POU2F1: variants seen among roughly 807,000 people sequenced by gnomAD.
POU2F1 encodes the protein POU domain, class 2, transcription factor 1.
Under a neutral mutation model 84.9 loss-of-function variants are expected in POU2F1, and 16 were observed. That is an observed-to-expected ratio of 0.19 (90% CI 0.13 to 0.29). The LOEUF (loss-of-function observed/expected upper bound fraction) is 0.29, where lower values mean the gene tolerates loss of function less well. Among genes scored for constraint, POU2F1 ranks in the 10% least tolerant of loss-of-function variants. POU2F1 has a pLI of 1.00. For synonymous variants in POU2F1, 368 were observed against 368.3 expected (o/e 1.00, Z 0.01); for missense variants, 738 against 942.6 (o/e 0.78, Z 2.84).
intron 2 of POU2F1, among the ~76,000 whole-genome samples, chr1:167,337,744 A>G (rs1657568860): frequency 6.6e-6 from 1 of 152,028 alleles, no homozygotes; most frequent in Admixed American, 6.6e-5. Context: ...AAGAGAAAGG[A>G]TATCTGCCTG....
intron 1 of POU2F1, among the ~76,000 whole-genome samples, chr1:167,242,501 G>A (rs1435000869): frequency 5.3e-5 from 8 of 152,162 alleles, no homozygotes; most frequent in Non-Finnish European, 4.4e-5. Context: ...CCATGGTGAC[G>A]CATTGAAGCA....
At chr1:167,259,439 T>C (rs997105767) in intron 1 of POU2F1, among the ~76,000 whole-genome samples, 1 of 152,220 alleles carries the variant, frequency 6.6e-6, no homozygotes, top group Non-Finnish European at 1.5e-5. Context: ...GTTGAATAAA[T>C]ATGCCACAGT....
Position 167,415,716 on chromosome 1 carries a change from C to G in POU2F1, c.2207C>G (p.Ser736Cys), listed in dbSNP as rs760546683. ...CCTGTAGCCAGCCTTCACGCCACCT[C>G]CACCTCTGCTGAGTCCATCCAGAAC... ...SAPVASLHAT[S>C]TSAESIQNSL... The change falls in exon 16 of 16, where the codon TCC (serine) becomes TGC (cysteine). Residue 736 changes from serine (S) to cysteine (C), a missense_variant. Around this residue, in one of 4 missense-constraint regions of POU2F1, gnomAD observed 319 missense variants for 386.0 expected, o/e 0.83. Transcript: ENST00000367866. 1.2e-6 allele frequency: 2 copies of G among 1,614,032 alleles called. No homozygotes were observed. The highest frequency in any genetic ancestry group is 1.3e-5 in the African/African-American group (1 of 74,918).
intron 8 of POU2F1, among the ~76,000 whole-genome samples, chr1:167,384,233 G>A (rs993618837): frequency 2.0e-5 from 3 of 151,950 alleles, no homozygotes; most frequent in African/African-American, 7.3e-5. Context: ...CATACTTGGC[G>A]GTAGATATTA....
At position 167,376,258 on chromosome 1, in the gene POU2F1, A is replaced by G. The variant is rs1231383367; in HGVS notation, c.718+103A>G. On this transcript the variant is annotated intron_variant, in intron 7 of 15. Transcript: ENST00000367866. The stretch of plus-strand genomic sequence containing the variant: ...TTTTGGCCCTGAAACTATTAGACCA[A>G]TGTTTTTATTAAATTTTATTTGATT... 21 of 1,239,820 alleles carry G rather than the reference A, an allele frequency of 1.7e-5. No homozygotes were observed. In the South Asian group the frequency reaches 3.7e-4, roughly 22 times the overall value. 76.8% of individuals were successfully genotyped at this position (1,239,820 alleles called of 1,614,324 possible). A position where few individuals can be genotyped will look rare whatever the true frequency, so the allele number is the denominator to read the frequency against.
chr1:167,424,317 G>A lies in POU2F1; in HGVS notation c.*8507G>A, dbSNP rs963058071. ...GTTGTATCTTCCCTAAGGTCAGGTC[G>A]GGGAAAGAAAGACTTCCAGCTTCTT... is the stretch of plus-strand genomic sequence containing the variant. On this transcript the variant is annotated 3_prime_UTR_variant, in exon 16 of 16. Transcript: ENST00000367866. The A allele has an allele frequency of 6.6e-6, 1 of 152,232 alleles. No individual in the cohort carries two copies. The allele number at this position is 152,232 out of a possible 1,614,324, so 9.4% of individuals were successfully genotyped here.
At chr1:167,335,768 A>G (rs1657406195) in intron 2 of POU2F1, among the ~76,000 whole-genome samples, 1 of 152,174 alleles carries the variant, frequency 6.6e-6, no homozygotes, top group Non-Finnish European at 1.5e-5. Flanking sequence ...CGTAATTTTT[A>G]AAATACTCTT....
intron 1 of POU2F1, among the ~76,000 whole-genome samples, chr1:167,318,832 T>C (rs1299522251): frequency 1.3e-5 from 2 of 152,068 alleles, no homozygotes; most frequent in Non-Finnish European, 2.9e-5. Flanking sequence ...ATACCTCCAC[T>C]GGGGGGGTCC....
At chr1:167,278,018 A>G (rs1441029402) in intron 1 of POU2F1, among the ~76,000 whole-genome samples, 1 of 152,118 alleles carries the variant, frequency 6.6e-6, no homozygotes, top group Non-Finnish European at 1.5e-5. Context: ...ACTGTATCCT[A>G]TGAAAACACA....
chr1:167,302,831 G>A (rs914413899), intron 1 of POU2F1, among the ~76,000 whole-genome samples: 5 of 152,080 alleles, frequency 3.3e-5, no homozygotes, highest in Non-Finnish European at 7.4e-5. Context: ...TGTTAAATAA[G>A]AGTCATAGCA....
intron 1 of POU2F1, among the ~76,000 whole-genome samples, chr1:167,303,225 C>G (rs542269914): frequency 6.6e-6 from 1 of 152,092 alleles, no homozygotes; most frequent in Admixed American, 6.5e-5. Context: ...AAGAATAGCA[C>G]CATACGACAC....
intron 1 of POU2F1, among the ~76,000 whole-genome samples, chr1:167,285,548 G>A (rs1653466717): frequency 6.6e-6 from 1 of 151,590 alleles, no homozygotes; most frequent in Non-Finnish European, 1.5e-5. Flanking sequence ...AGCTGAGATC[G>A]CGCCACTGCA....
intron 9 of POU2F1, among the ~76,000 whole-genome samples, chr1:167,395,225 A>C (rs1028571803): frequency 5.3e-5 from 8 of 152,354 alleles, no homozygotes; most frequent in African/African-American, 1.9e-4. Context: ...TTATAGAGAA[A>C]GACATCTTTT....
chr1:167,332,284 G>A (rs920897586), intron 1 of POU2F1, among the ~76,000 whole-genome samples, 186 bp from the exon 2 acceptor site: 19 of 152,044 alleles, frequency 1.2e-4, no homozygotes, highest in African/African-American at 4.6e-4. Flanking sequence ...GGGGAATTTT[G>A]AATTTCTTCC....
At chr1:167,221,666 C>T (rs1398982090) in intron 1 of POU2F1, among the ~76,000 whole-genome samples, 2 of 151,026 alleles carry the variant, frequency 1.3e-5, no homozygotes, top group East Asian at 3.9e-4. Flanking sequence ...GGGGTCACGG[C>T]CCCAGGCACT....
intron 2 of POU2F1, among the ~76,000 whole-genome samples, chr1:167,348,114 T>C (rs1250999869): frequency 1.3e-5 from 2 of 152,234 alleles, no homozygotes; most frequent in African/African-American, 4.8e-5. Context: ...TCATAGAGTA[T>C]GTTTCACAAA....
rs113888452 is a variant in POU2F1, at chr1:167,283,127, G to A, written c.62-49343G>A. On this transcript the variant is annotated intron_variant, in intron 1 of 15. Coordinates refer to ENST00000367866, the MANE Select transcript of POU2F1 (RefSeq NM_002697.4). ...TCTGTTTTACTTGTTTCTTCCTCTA[G>A]TACATTGTGACCCTTTTTTGAGGGC... 1.0e-3 allele frequency among the ~76,000 whole-genome samples: 154 copies of A among 152,208 alleles called. 1 individual carries two copies. The highest frequency in any genetic ancestry group is 3.6e-3 in the African/African-American group (150 of 41,518).
chr1:167,300,679 G>T (rs966152152), intron 1 of POU2F1, among the ~76,000 whole-genome samples: 1 of 152,126 alleles, frequency 6.6e-6, no homozygotes, highest in Non-Finnish European at 1.5e-5. Context: ...TGGCCAGGAT[G>T]GTCTCGATCT....
intron 1 of POU2F1, among the ~76,000 whole-genome samples, chr1:167,232,291 A>G (rs1364829746): frequency 1.3e-5 from 2 of 152,246 alleles, no homozygotes; most frequent in African/African-American, 4.8e-5. Context: ...TGGCAGTCCC[A>G]TAAGATTATA....
Sources: allele counts gnomAD v4.1 joint callset (sites outside exome capture counted in the v4.1 genomes callset), GRCh38; gene constraint gnomAD v4.1.1; regional missense constraint gnomAD v4.1.1; transcripts MANE v1.5; gene names NCBI Gene and HGNC (gene_info 2026-07-23, HGNC 2026-07-21).